The following ANK1 variants were observed in gnomAD, a reference collection of about 807,000 sequenced individuals.
ANK1 encodes the protein ankyrin 1, also known as ankyrin-1.
A neutral mutation model predicts 210.4 loss-of-function variants in ANK1; 51 were observed. The observed-to-expected ratio is 0.24, with a 90% CI of 0.19 to 0.31. The LOEUF (loss-of-function observed/expected upper bound fraction) is 0.31, where lower values mean the gene tolerates loss of function less well. ANK1 is among the 10% of genes least tolerant of loss of function. ANK1 has a pLI of 1.00. For synonymous variants in ANK1, 967 were observed against 1,025.9 expected, an observed-to-expected ratio of 0.94 and a Z score of 1.10; for missense variants, 2,051 against 2,504.4, an observed-to-expected ratio of 0.82 and a Z score of 3.86.
chr8:41,883,451 T>TTTGC (rs1817943109), intron 1 of ANK1, among the ~76,000 whole-genome samples: 1 of 151,296 alleles, frequency 6.6e-6, no homozygotes, highest in Non-Finnish European at 1.5e-5. Flanking sequence ...TGTTTGTTTG[T>TTTGC]TTGTTTGTTT....
intron 42 of ANK1, among the ~76,000 whole-genome samples, chr8:41,659,380 G>A (rs1413641363): frequency 2.0e-5 from 3 of 152,204 alleles, no homozygotes; most frequent in South Asian, 2.1e-4. Context: ...TGCACGGGTT[G>A]GGCGACTCAA....
chr8:41,719,916 A>T, intron 9 of ANK1, 58 bp from the exon 10 acceptor site: 2 of 1,563,588 alleles, frequency 1.3e-6, no homozygotes, highest in South Asian at 2.2e-5. Context: ...GAGCATGGAG[A>T]TTCAGGACGA....
rs1162878147 is a variant in ANK1, at chr8:41,896,286, C to G, written c.126+69G>C. The G allele has an allele frequency of 4.6e-6, 7 of 1,522,778 alleles. No homozygotes were observed. In the East Asian group the frequency reaches 1.3e-4, roughly 29 times the overall value. 94.3% of individuals were successfully genotyped at this position (1,522,778 alleles called of 1,614,324 possible). On this transcript the variant is annotated intron_variant, in intron 1 of 42. Transcript: ENST00000265709. ...GCGCCCCACCGCGTCCCGGGCCGCC[C>G]GACCCCTGCCCCCAGCAGCCACTTG...
intron 1 of ANK1, among the ~76,000 whole-genome samples, chr8:41,791,661 G>C (rs894938248): frequency 2.0e-5 from 3 of 152,126 alleles, no homozygotes; most frequent in Admixed American, 6.5e-5. Flanking sequence ...TTGATCTCTT[G>C]ACCTCGTGAT....
intron 31 of ANK1, 42 bp downstream of exon 31, chr8:41,692,606 G>A: frequency 6.3e-7 from 1 of 1,578,716 alleles, no homozygotes; most frequent in South Asian, 1.1e-5. Context: ...AAAACGGCAG[G>A]ACGGTTTGTC....
chr8:41,894,409 G>T (rs1820042992), intron 1 of ANK1, among the ~76,000 whole-genome samples: 1 of 151,870 alleles, frequency 6.6e-6, no homozygotes, highest in Non-Finnish European at 1.5e-5. Flanking sequence ...AAGAAATGAG[G>T]TTTACTACAA....
chr8:41,679,638 C>T (rs1815326970), intron 37 of ANK1, among the ~76,000 whole-genome samples: 1 of 144,852 alleles, frequency 6.9e-6, no homozygotes. Flanking sequence ...TCTCGGCTCA[C>T]TGCAAGCTCC....
intron 1 of ANK1, among the ~76,000 whole-genome samples, chr8:41,860,546 C>T (rs1434381361): frequency 1.3e-5 from 2 of 152,170 alleles, no homozygotes; most frequent in Non-Finnish European, 2.9e-5. Flanking sequence ...AGTTGTGTGA[C>T]CTGAGCGGGC....
chr8:41,676,307 A>G (rs1814144263), intron 37 of ANK1, among the ~76,000 whole-genome samples: 1 of 152,118 alleles, frequency 6.6e-6, no homozygotes, highest in Admixed American at 6.5e-5. Context: ...GTACCTCCTT[A>G]TAGTTTTAAT....
chr8:41,723,677 T>C, intron 7 of ANK1, 44 bp from the exon 8 acceptor site: 1 of 1,579,096 alleles, frequency 6.3e-7, no homozygotes. Flanking sequence ...CATCCTTCCC[T>C]GGAATGCAGC....
chr8:41,688,144 T>A lies in ANK1; in HGVS notation c.4258+12A>T. On this transcript the variant is annotated intron_variant, in intron 35 of 42. Transcript: ENST00000289734. The stretch of plus-strand genomic sequence containing the variant: ...GGACAAAGTGCTTTTCTGCCCCCAA[T>A]TCCCCACTCACCTGCCCAGCTGAGA... 1 of 1,613,858 alleles carries A rather than the reference T, an allele frequency of 6.2e-7. No homozygotes were observed. Among genetic ancestry groups the A allele is most frequent in the Non-Finnish European group, 8.5e-7 (1 of 1,179,762 alleles).
chr8:41,796,999 A>C (rs117878885), intron 1 of ANK1, among the ~76,000 whole-genome samples: 3,045 of 152,262 alleles, frequency 0.02, 36 homozygotes, highest in African/African-American at 0.028. Context: ...AACATAAATT[A>C]AAAGAACCGA....
intron 1 of ANK1, among the ~76,000 whole-genome samples, chr8:41,836,091 A>G (rs952455570): frequency 9.9e-5 from 15 of 152,244 alleles, no homozygotes; most frequent in Non-Finnish European, 2.2e-4. Flanking sequence ...TGGAACTCTC[A>G]GGGACGACAC....
chr8:41,760,432 A>AT (rs1478653923), intron 1 of ANK1, among the ~76,000 whole-genome samples: 1 of 152,156 alleles, frequency 6.6e-6, no homozygotes, highest in Non-Finnish European at 1.5e-5. Flanking sequence ...TTCTGCCATG[A>AT]TTGTAAGGCC....
At chr8:41,813,355 T>C (rs1241167208) in intron 1 of ANK1, among the ~76,000 whole-genome samples, 1 of 152,178 alleles carries the variant, frequency 6.6e-6, no homozygotes, top group Non-Finnish European at 1.5e-5. Context: ...AATTCTGAAA[T>C]GTTAGCTTGT....
At chr8:41,867,246 C>T (rs986477693) in intron 1 of ANK1, among the ~76,000 whole-genome samples, 1 of 152,146 alleles carries the variant, frequency 6.6e-6, no homozygotes, top group Non-Finnish European at 1.5e-5. Flanking sequence ...GCCGCTTTTC[C>T]TCTCGTCTTG....
intron 38 of ANK1, among the ~76,000 whole-genome samples, chr8:41,670,915 G>A (rs1812054383): frequency 6.6e-6 from 1 of 152,198 alleles, no homozygotes; most frequent in South Asian, 2.1e-4. Context: ...TCTGTCATCC[G>A]CTTCCTGTGC....
intron 2 of ANK1, among the ~76,000 whole-genome samples, chr8:41,755,191 C>T (rs1021019778): frequency 2.6e-5 from 4 of 152,242 alleles, no homozygotes; most frequent in Non-Finnish European, 4.4e-5. Flanking sequence ...AATAATACCT[C>T]GGTGCTTGCT....
intron 1 of ANK1, among the ~76,000 whole-genome samples, chr8:41,862,902 T>C (rs1195767509): frequency 6.6e-6 from 1 of 152,048 alleles, no homozygotes; most frequent in East Asian, 1.9e-4. Context: ...GTCCCAGGTA[T>C]TCAGGAGGCT....
Sources: allele counts gnomAD v4.1 joint callset (sites outside exome capture counted in the v4.1 genomes callset), GRCh38; gene constraint gnomAD v4.1.1; transcripts MANE v1.5; gene names NCBI Gene and HGNC (gene_info 2026-07-23, HGNC 2026-07-21).